The following AR variants were observed in gnomAD, a reference collection of about 807,000 sequenced individuals.
AR encodes the protein dihydrotestosterone receptor.
Under a neutral mutation model 53.9 loss-of-function variants are expected in AR, and 8 were observed. The observed-to-expected ratio is 0.15, with a 90% confidence interval of 0.09 to 0.27. The LOEUF is 0.27. Ranked by LOEUF, AR falls within the 10% of genes least tolerant of loss-of-function variation. AR has a pLI of 1.00. For missense variants in AR, 639 were observed against 742.5 expected, an observed-to-expected ratio of 0.86 and a Z score of 1.62; for synonymous variants, 359 against 316.4, an observed-to-expected ratio of 1.13 and a Z score of -1.43.
At chrX:67,679,640 A>G (rs1308863006) in intron 2 of AR, among the ~76,000 whole-genome samples, 1 of 111,750 alleles carries the variant, frequency 8.9e-6, no homozygotes, top group Non-Finnish European at 1.9e-5. Context: ...TTTAATCTGT[A>G]CCAATCTGGC....
chrX:67,727,732 G>C lies in AR; in HGVS notation c.*3891G>C, dbSNP rs1602282839. The C allele has an allele frequency of 3.5e-5, 6 of 171,326 alleles. No individual in the cohort carries two copies. Among genetic ancestry groups the C allele is most frequent in the Non-Finnish European group, 6.7e-5 (6 of 89,657 alleles). The allele number at this position is 171,326 out of a possible 1,213,427, so 14.1% of individuals were successfully genotyped here. On this transcript the variant is annotated 3_prime_UTR_variant, in exon 8 of 8. Transcript: ENST00000374690. Reference sequence around the variant, plus strand: ...CGAGCATGGCCCCTGCATAGCCCTGGAAAAATAAGAGGCTGACTGTCTACG... The same window carrying C: ...CGAGCATGGCCCCTGCATAGCCCTGCAAAAATAAGAGGCTGACTGTCTACG...
intron 2 of AR, among the ~76,000 whole-genome samples, chrX:67,646,620 G>A (rs1926071468): frequency 9.1e-6 from 1 of 110,384 alleles, no homozygotes; most frequent in African/African-American, 3.3e-5. Flanking sequence ...GGAAGTCAAA[G>A]CAAGGCAATA....
chrX:67,680,864 G>A (rs1270380632), intron 2 of AR: 4 of 305,784 alleles, frequency 1.3e-5, no homozygotes, highest in Non-Finnish European at 2.5e-5. Context: ...GCTGTCTCAT[G>A]GCCTTTGAAT....
At chrX:67,647,516 C>T (rs1926113765) in intron 2 of AR, among the ~76,000 whole-genome samples, 1 of 111,874 alleles carries the variant, frequency 8.9e-6, no homozygotes, top group Non-Finnish European at 1.9e-5. Context: ...CCTGACTTTT[C>T]AAGTAACATT....
At chrX:67,587,777 G>C (rs1321463460) in intron 1 of AR, among the ~76,000 whole-genome samples, 1 of 111,031 alleles carries the variant, frequency 9.0e-6, no homozygotes, top group East Asian at 2.8e-4. Context: ...CTTATTCTTT[G>C]AAGTGAAATT....
chrX:67,580,484 G>A (rs1922247504), intron 1 of AR, among the ~76,000 whole-genome samples: 1 of 111,360 alleles, frequency 9.0e-6, no homozygotes. Flanking sequence ...TACCTTTAAA[G>A]TGTTACTATT....
intron 2 of AR, among the ~76,000 whole-genome samples, chrX:67,649,735 C>G (rs1211053683): frequency 9.0e-6 from 1 of 111,651 alleles, no homozygotes; most frequent in Non-Finnish European, 1.9e-5. Flanking sequence ...TTATTTTTTT[C>G]TTGTAAATTT....
chrX:67,723,900 C>A lies in AR; in HGVS notation c.*59C>A, dbSNP rs2147541183. On this transcript the variant is annotated 3_prime_UTR_variant, in exon 8 of 8. Transcript: ENST00000374690. ...ATGCCCCCTTTCAGATGTCTTCTGC[C>A]TGTTATAACTCTGCACTACTCCTCT... 1 of 1,175,918 alleles carries A rather than the reference C, an allele frequency of 8.5e-7. No homozygotes were observed. The highest frequency in any genetic ancestry group is 1.2e-6 in the Non-Finnish European group (1 of 869,519).
chrX:67,681,549 C>T (rs1256553618), intron 2 of AR, among the ~76,000 whole-genome samples: 1 of 112,306 alleles, frequency 8.9e-6, no homozygotes, highest in African/African-American at 3.2e-5. Flanking sequence ...AATTTCAATA[C>T]TTTGTGCCCA....
At chrX:67,674,335 C>G (rs191671865) in intron 2 of AR, among the ~76,000 whole-genome samples, 1 of 110,272 alleles carries the variant, frequency 9.1e-6, no homozygotes, top group African/African-American at 3.3e-5. Flanking sequence ...ACAGAGACCA[C>G]TCCCTGGGTA....
intron 2 of AR, among the ~76,000 whole-genome samples, chrX:67,664,459 T>G (rs2147467813): frequency 8.9e-6 from 1 of 111,987 alleles, no homozygotes; most frequent in Admixed American, 9.5e-5. Context: ...ATGTTGCTGG[T>G]TGATCATTCC....
At chrX:67,607,971 G>A (rs898456844) in intron 1 of AR, among the ~76,000 whole-genome samples, 1 of 111,571 alleles carries the variant, frequency 9.0e-6, no homozygotes, top group Admixed American at 9.5e-5. Context: ...ATTTGGGCCC[G>A]GGCCCCCAGA....
chrX:67,627,348 T>G (rs1273519156), intron 1 of AR, among the ~76,000 whole-genome samples: 1 of 112,139 alleles, frequency 8.9e-6, no homozygotes, highest in Non-Finnish European at 1.9e-5. Flanking sequence ...TGATATCTCA[T>G]TGTGGTTTTG....
chrX:67,614,632 A>G (rs1924029964), intron 1 of AR, among the ~76,000 whole-genome samples: 1 of 111,365 alleles, frequency 9.0e-6, no homozygotes, highest in African/African-American at 3.3e-5. Flanking sequence ...GTTACAATAT[A>G]GTATCTAAAA....
intron 1 of AR, among the ~76,000 whole-genome samples, chrX:67,571,095 CTCTT>C (rs1439873632): frequency 9.0e-6 from 1 of 110,923 alleles, no homozygotes; most frequent in African/African-American, 3.3e-5. Flanking sequence ...ACCAGCTCTC[CTCTT>C]TCTTTCTGAT....
At chrX:67,617,197 G>A (rs367648604) in intron 1 of AR, among the ~76,000 whole-genome samples, 167 of 111,474 alleles carry the variant, frequency 1.5e-3, no homozygotes, top group African/African-American at 5.2e-3. Flanking sequence ...ACATGATAGG[G>A]ATATTGAGAC....
At chrX:67,574,977 C>CG (rs928002020) in intron 1 of AR, among the ~76,000 whole-genome samples, 3 of 110,662 alleles carry the variant, frequency 2.7e-5, no homozygotes, top group South Asian at 3.9e-4. Flanking sequence ...TCTTTTTTTC[C>CG]GGGGGGGATG....
intron 3 of AR, chrX:67,696,161 T>C: frequency 1.4e-6 from 1 of 739,085 alleles, no homozygotes; most frequent in Non-Finnish European, 1.6e-6. Context: ...TCCTTTTTTT[T>C]CTCTCTCGTT....
Position 67,592,618 on chromosome X carries a change from G to A in AR, c.1616+45856G>A, listed in dbSNP as rs765952852. Among the ~76,000 whole-genome samples the A allele has an allele frequency of 3.2e-4, 25 of 77,190 alleles. 1 individual carries two copies. The highest frequency in any genetic ancestry group is 8.6e-4 in the African/African-American group (19 of 22,032). The allele number at this position is 77,190 out of a possible 115,157, so 67.0% of individuals were successfully genotyped here. ...ATGTGCCCTATTGATTTCTTTTCTT[G>A]TTTTAGGAATATTCCCAGAAAAAAA... On this transcript the variant is annotated intron_variant, in intron 1 of 7. Transcript: ENST00000374690.
Sources: gnomAD v4.1 joint callset for allele counts (sites outside exome capture counted in the v4.1 genomes callset) on GRCh38, gnomAD v4.1.1 for gene constraint, MANE v1.5 for transcripts, NCBI Gene and HGNC (gene_info 2026-07-23, HGNC 2026-07-21) for gene names.